ZFHX4: variants seen among roughly 807,000 people sequenced by gnomAD.
The protein encoded by ZFHX4 is zinc finger homeobox protein 4.
In ZFHX4, 56 loss-of-function variants were observed where a neutral mutation model predicts 267.6. The observed-to-expected ratio is 0.21, with a 90% CI of 0.17 to 0.26. The LOEUF (loss-of-function observed/expected upper bound fraction) is 0.26. ZFHX4 is among the 10% of genes least tolerant of loss of function. ZFHX4 has a pLI of 1.00. For synonymous variants in ZFHX4, 1,778 were observed against 1,665.6 expected (o/e 1.07, Z -1.64); for missense variants, 4,332 against 4,420.0 (o/e 0.98, Z 0.56).
chr8:76,858,904 G>A (rs1256758350), intron 10 of ZFHX4, among the ~76,000 whole-genome samples: 3 of 152,142 alleles, frequency 2.0e-5, no homozygotes, highest in Admixed American at 6.5e-5. Context: ...ATTTAGTTAT[G>A]GAAAAGCCTT....
chr8:76,798,207 A>G (rs1267278952), intron 4 of ZFHX4, among the ~76,000 whole-genome samples: 3 of 152,126 alleles, frequency 2.0e-5, no homozygotes, highest in African/African-American at 2.4e-5. Context: ...AGTCCATACT[A>G]TGGTGTATGT....
intron 3 of ZFHX4, among the ~76,000 whole-genome samples, chr8:76,730,743 TG>T (rs1413870243): frequency 6.6e-6 from 1 of 152,054 alleles, no homozygotes; most frequent in Non-Finnish European, 1.5e-5. Flanking sequence ...AAAGGTGCCC[TG>T]GGGTATGCAA....
At chr8:76,777,902 G>C (rs1469594373) in intron 3 of ZFHX4, among the ~76,000 whole-genome samples, 1 of 144,090 alleles carries the variant, frequency 6.9e-6, no homozygotes, top group Non-Finnish European at 1.5e-5. Flanking sequence ...TTTTTTCTGA[G>C]ATAACTAGTT....
chr8:76,696,280 G>A (rs1807954730), intron 1 of ZFHX4, among the ~76,000 whole-genome samples: 1 of 152,032 alleles, frequency 6.6e-6, no homozygotes, highest in Non-Finnish European at 1.5e-5. Flanking sequence ...CTTCAACATG[G>A]TTCCTCTGAA....
At chr8:76,723,686 A>G (rs1585883744) in intron 3 of ZFHX4, among the ~76,000 whole-genome samples, 2 of 151,798 alleles carry the variant, frequency 1.3e-5, no homozygotes, top group South Asian at 2.1e-4. Context: ...GCTCTGGGGG[A>G]GTTTGTGGTT....
At chr8:76,793,057 T>C (rs1810880578) in intron 4 of ZFHX4, among the ~76,000 whole-genome samples, 1 of 152,126 alleles carries the variant, frequency 6.6e-6, no homozygotes, top group South Asian at 2.1e-4. Context: ...CTAAGGAAGT[T>C]AGTGTCTGAC....
chr8:76,744,593 C>T (rs982468406), intron 3 of ZFHX4, among the ~76,000 whole-genome samples: 8 of 151,596 alleles, frequency 5.3e-5, no homozygotes, highest in African/African-American at 1.7e-4. Flanking sequence ...TTGTATTTTT[C>T]GTAGAGACAG....
intron 5 of ZFHX4, among the ~76,000 whole-genome samples, chr8:76,837,582 C>T (rs980239512): frequency 6.6e-6 from 1 of 151,860 alleles, no homozygotes; most frequent in African/African-American, 2.4e-5. Flanking sequence ...GCTGGGGTAG[C>T]ATGTGGACTC....
intron 4 of ZFHX4, among the ~76,000 whole-genome samples, chr8:76,804,415 A>G (rs1811195517): frequency 6.6e-6 from 1 of 152,168 alleles, no homozygotes; most frequent in Admixed American, 6.6e-5. Flanking sequence ...AAAGATAGAA[A>G]GCATAAACTG....
chr8:76,740,126 T>C (rs1467861662), intron 3 of ZFHX4, among the ~76,000 whole-genome samples: 1 of 152,204 alleles, frequency 6.6e-6, no homozygotes, highest in Admixed American at 6.6e-5. Flanking sequence ...TTATTTTGTA[T>C]GTGTTTTGAA....
Position 76,852,097 on chromosome 8 carries a change from C to G in ZFHX4, c.5176C>G (p.Pro1726Ala), listed in dbSNP as rs371535436. ...PAFLPHFPMT[P>A]EALLQFQQPQ... The stretch of plus-strand genomic sequence containing the variant: ...CTTTTTGCCTCATTTTCCTATGACC[C>G]CAGAAGCACTGCTGCAGTTTCAGCA... Residue 1726 changes from proline to alanine, a missense_variant, in exon 10 of 11, where the codon CCA (proline) becomes GCA (alanine). Pro to Ala is a conservative substitution (Grantham distance 27, BLOSUM62 -1). Around this residue, in one of 7 missense-constraint regions of ZFHX4, gnomAD observed 1,371 missense variants for 1,423.1 expected, o/e 0.96. Coordinates refer to ENST00000651372, the MANE Select transcript of ZFHX4 (RefSeq NM_024721.5). The G allele has an allele frequency of 6.2e-7, 1 of 1,613,950 alleles. No homozygotes were observed. Among genetic ancestry groups the G allele is most frequent in the Non-Finnish European group, 8.5e-7 (1 of 1,179,870 alleles).
chr8:76,715,278 G>A (rs904392372), intron 3 of ZFHX4, among the ~76,000 whole-genome samples: 2 of 151,822 alleles, frequency 1.3e-5, no homozygotes, highest in Non-Finnish European at 1.5e-5. Context: ...GGATCCTGAG[G>A]TCAGGAGTTC....
chr8:76,699,612 C>T (rs1808049472), intron 1 of ZFHX4, among the ~76,000 whole-genome samples: 2 of 151,986 alleles, frequency 1.3e-5, no homozygotes, highest in Admixed American at 1.3e-4. Context: ...TCTTGGTTAG[C>T]ACACCACACC....
chr8:76,805,795 C>CATG (rs1811229656), intron 4 of ZFHX4, among the ~76,000 whole-genome samples: 1 of 151,832 alleles, frequency 6.6e-6, no homozygotes, highest in Non-Finnish European at 1.5e-5. Context: ...CCATCTTAGC[C>CATG]ATGATTTGGG....
intron 4 of ZFHX4, among the ~76,000 whole-genome samples, chr8:76,803,509 A>G (rs1257820748): frequency 1.3e-5 from 2 of 152,140 alleles, no homozygotes; most frequent in Non-Finnish European, 2.9e-5. Context: ...TAGAGTGTGA[A>G]TCATGACTCA....
intron 4 of ZFHX4, among the ~76,000 whole-genome samples, chr8:76,799,699 T>C (rs1204402164): frequency 1.3e-5 from 2 of 152,216 alleles, no homozygotes; most frequent in African/African-American, 2.4e-5. Context: ...TCACTCTCTC[T>C]TTCCAGGCCT....
rs1206677926 is a variant in ZFHX4, at chr8:76,863,581, T to C, written c.9867T>C (p.Pro3289=). ...CAGTGCAGGGGGGATACTTCCCACC[T>C]GTCTGTGGCATGGAGAGCCTCTTTC... ...PGTVQGGYFP[P]VCGMESLFPY... The change falls in exon 11 of 11, where the codon CCT becomes CCC. Residue 3289 remains proline (P), a synonymous_variant. Coordinates refer to ENST00000651372, the MANE Select transcript of ZFHX4 (RefSeq NM_024721.5). 2 of 1,613,770 alleles carry C rather than the reference T, an allele frequency of 1.2e-6. No homozygotes were observed. The highest frequency in any genetic ancestry group is 1.3e-5 in the African/African-American group (1 of 74,948).
intron 4 of ZFHX4, among the ~76,000 whole-genome samples, chr8:76,824,269 A>AG (rs1480616870): frequency 6.6e-6 from 1 of 152,236 alleles, no homozygotes; most frequent in Non-Finnish European, 1.5e-5. Context: ...TGGTGTGTTC[A>AG]GTAAGGCATA....
At chr8:76,801,540 C>G (rs1367109568) in intron 4 of ZFHX4, among the ~76,000 whole-genome samples, 1 of 152,166 alleles carries the variant, frequency 6.6e-6, no homozygotes. Context: ...GGTGCTTCAA[C>G]CATTTTCTTT....
Sources: allele counts gnomAD v4.1 joint callset (sites outside exome capture counted in the v4.1 genomes callset), GRCh38; gene constraint gnomAD v4.1.1; regional missense constraint gnomAD v4.1.1; transcripts MANE v1.5; gene names NCBI Gene and HGNC (gene_info 2026-07-23, HGNC 2026-07-21).